SLC34A2: variants seen among roughly 807,000 people sequenced by gnomAD.
SLC34A2 encodes solute carrier family 34 member 2, also known as sodium-dependent phosphate transport protein 2B.
A neutral mutation model predicts 50.8 loss-of-function variants in SLC34A2; 41 were observed. The observed-to-expected ratio is 0.81, with a 90% CI of 0.63 to 1.05. The LOEUF (loss-of-function observed/expected upper bound fraction) is 1.05. Among genes scored for constraint, SLC34A2 ranks in the 50% least tolerant of loss-of-function variants. The pLI, the probability that SLC34A2 is intolerant of heterozygous loss-of-function variation, is 0.00. For synonymous variants in SLC34A2, 401 were observed against 364.2 expected, an observed-to-expected ratio of 1.10 and a Z score of -1.15; for missense variants, 879 against 876.7, an observed-to-expected ratio of 1.00 and a Z score of -0.03.
intron 4 of SLC34A2, chr4:25,664,922 C>A (rs1662008752): frequency 4.3e-6 from 1 of 232,386 alleles, no homozygotes; most frequent in Admixed American, 5.6e-5. Flanking sequence ...TTTTCGGGGG[C>A]CCTCTATCAA....
chr4:25,669,579 A>G (rs768329980), intron 6 of SLC34A2, 68 bp from the exon 7 acceptor site: 2 of 1,402,140 alleles, frequency 1.4e-6, no homozygotes, highest in South Asian at 1.2e-5. Flanking sequence ...GATACAGGTA[A>G]TGACCCACCT....
rs186148899 is a variant in SLC34A2 at position 25,662,390 on chromosome 4, G to A, written c.-3-108G>A. 514 of 989,774 alleles carry A rather than the reference G, an allele frequency of 5.2e-4. 2 individuals are homozygous for A. Among genetic ancestry groups the A allele is most frequent in the Middle Eastern group, 4.3e-3 (16 of 3,724 alleles). The allele number at this position is 989,774 out of a possible 1,614,324, so 61.3% of individuals were successfully genotyped here. ...CTTCCTTTTACTGCCGCCTCCGGCC[G>A]AAACCCCCACCCAGTTGATGCTTTG... On this transcript the variant is annotated intron_variant, in intron 1 of 12. Coordinates refer to ENST00000382051, the MANE Select transcript of SLC34A2 (RefSeq NM_006424.3).
At chr4:25,675,036 T>A (rs1253411461) in intron 12 of SLC34A2, among the ~76,000 whole-genome samples, 1 of 152,150 alleles carries the variant, frequency 6.6e-6, no homozygotes, top group Admixed American at 6.5e-5. Context: ...TATTTATTTT[T>A]ATTTTATTTT....
intron 12 of SLC34A2, among the ~76,000 whole-genome samples, chr4:25,675,674 T>G (rs1328654785): frequency 6.6e-6 from 1 of 152,252 alleles, no homozygotes; most frequent in African/African-American, 2.4e-5. Context: ...TGGTGTGTAT[T>G]TCATACTTAA....
At chr4:25,675,074 C>T (rs1168788780) in intron 12 of SLC34A2, among the ~76,000 whole-genome samples, 2 of 151,940 alleles carry the variant, frequency 1.3e-5, no homozygotes, top group Non-Finnish European at 2.9e-5. Flanking sequence ...CACTGTAGCC[C>T]AGGCTGGAGT....
At chr4:25,669,956 C>G in intron 7 of SLC34A2, 114 bp downstream of exon 7, 2 of 1,017,784 alleles carry the variant, frequency 2.0e-6, no homozygotes, top group Non-Finnish European at 3.1e-6. Context: ...GGCATGGTGG[C>G]TCACCCTTGT....
At position 25,676,188 on chromosome 4, in the gene SLC34A2, G is replaced by A. The variant is rs745706845; in HGVS notation, c.1512G>A (p.Pro504=). The change falls in exon 13 of 13, where the codon CCG becomes CCA. Residue 504 remains proline, a synonymous_variant. Coordinates refer to ENST00000382051, the MANE Select transcript of SLC34A2 (RefSeq NM_006424.3). ...FNISGILLWY[P]IPFTRLPIRM... is the part of the protein sequence containing the mutation. Reference sequence around the variant, plus strand: ...TCTCCGGCATCTTGCTGTGGTACCCGATCCCGTTCACTCGCCTGCCCATCC... The same window carrying A: ...TCTCCGGCATCTTGCTGTGGTACCCAATCCCGTTCACTCGCCTGCCCATCC... The A allele has an allele frequency of 2.5e-6, 4 of 1,614,002 alleles. No homozygotes were observed. Among genetic ancestry groups the A allele is most frequent in the African/African-American group, 2.7e-5 (2 of 74,908 alleles).
rs1680852008 is a variant in SLC34A2, at chr4:25,674,412, G to A, written c.1333G>A (p.Gly445Arg). The A allele has an allele frequency of 6.2e-7, 1 of 1,614,120 alleles. No individual in the cohort carries two copies. Residue 445 changes from glycine (G) to arginine (R), a missense_variant and splice_region_variant, in exon 11 of 13, where the codon GGA becomes AGA. By Grantham distance (125) the Gly-to-Arg change is moderately radical. Transcript: ENST00000382051. Reference sequence around the variant, plus strand: ...CACGTCGGCCTTGACCCCCCTGATTGGTGAGTTACACCCTGGCTTCTCCCT... The same window carrying A: ...CACGTCGGCCTTGACCCCCCTGATTAGTGAGTTACACCCTGGCTTCTCCCT... ...VFTSALTPLI[G>R]IGVITIERAY...
chr4:25,660,693 A>G (rs936981451), intron 1 of SLC34A2, among the ~76,000 whole-genome samples: 1 of 152,038 alleles, frequency 6.6e-6, no homozygotes, highest in Non-Finnish European at 1.5e-5. Flanking sequence ...TTACAGGTGC[A>G]TGCCACCACG....
chr4:25,676,606 T>G lies in SLC34A2; in HGVS notation c.1930T>G (p.Cys644Gly), dbSNP rs755695232. The change falls in exon 13 of 13, where the codon TGC becomes GGC. Residue 644 changes from cysteine (C) to glycine (G), a missense_variant. Coordinates refer to ENST00000382051, the MANE Select transcript of SLC34A2 (RefSeq NM_006424.3). ...CCCCAAGTGCTGCCGCTGCAGCAAG[T>G]GCTGCGAGGACTTGGAGGAGGCGCA... Reference protein sequence around the residue: ...DCPKCCRCSKCCEDLEEAQEG... With the variant: ...DCPKCCRCSKGCEDLEEAQEG... The G allele has an allele frequency of 2.5e-6, 4 of 1,613,840 alleles. No individual in the cohort carries two copies. In the Admixed American group the frequency reaches 6.7e-5, roughly 27 times the overall value.
intron 11 of SLC34A2, 27 bp from the exon 12 acceptor site, chr4:25,674,478 T>C: frequency 6.2e-7 from 1 of 1,614,208 alleles, no homozygotes; most frequent in Non-Finnish European, 8.5e-7. Context: ...ATGGGGCTGA[T>C]ATGTTTGTGT....
chr4:25,660,808 G>T (rs906290787), intron 1 of SLC34A2, among the ~76,000 whole-genome samples: 3 of 152,216 alleles, frequency 2.0e-5, no homozygotes, highest in African/African-American at 7.2e-5. Flanking sequence ...GCTTCCCAAA[G>T]TGTTGGGTTT....
rs766059912 is a variant in SLC34A2, at chr4:25,674,639, TGG to T, written c.1458+13_1458+14del. ...GAGGAGTTCACTCCAGGTCAGGACT[TGG>T]GGCACGGGGACAGGGGCCCTGGGAG... is the stretch of plus-strand genomic sequence containing the variant. On this transcript the variant is annotated intron_variant, in intron 12 of 12. Coordinates refer to ENST00000382051, the MANE Select transcript of SLC34A2 (RefSeq NM_006424.3). 1 of 1,614,134 alleles carries T rather than the reference TGG, an allele frequency of 6.2e-7. No individual in the cohort carries two copies. The highest frequency in any genetic ancestry group is 2.2e-5 in the East Asian group (1 of 44,878).
intron 12 of SLC34A2, among the ~76,000 whole-genome samples, chr4:25,675,578 G>T (rs796415582): frequency 6.6e-6 from 1 of 152,180 alleles, no homozygotes; most frequent in Non-Finnish European, 1.5e-5. Context: ...GTAGAAACAG[G>T]CTGATTCATT....
At chr4:25,671,057 C>T (rs970839092) in intron 8 of SLC34A2, among the ~76,000 whole-genome samples, 2 of 152,166 alleles carry the variant, frequency 1.3e-5, no homozygotes, top group African/African-American at 4.8e-5. Context: ...TTGCCCCATC[C>T]CAGGGATACA....
At chr4:25,662,418 A>G (rs1714242680) in intron 1 of SLC34A2, 80 bp from the exon 2 acceptor site, 1 of 1,314,516 alleles carries the variant, frequency 7.6e-7, no homozygotes, top group Admixed American at 1.8e-5. Flanking sequence ...ATGCTTTGCA[A>G]CCAATGGTTC....
chr4:25,675,943 C>T (rs1715083774), intron 12 of SLC34A2, among the ~76,000 whole-genome samples, 192 bp from the exon 13 acceptor site: 1 of 152,204 alleles, frequency 6.6e-6, no homozygotes, highest in Non-Finnish European at 1.5e-5. Flanking sequence ...GTGCTCCTGG[C>T]CCTCCCAGAC....
At position 25,676,171 on chromosome 4, in the gene SLC34A2, A is replaced by G. The variant is rs1392536681; in HGVS notation, c.1495A>G (p.Ile499Val). The G allele has an allele frequency of 1.2e-6, 2 of 1,614,044 alleles. No homozygotes were observed. Among genetic ancestry groups the G allele is most frequent in the Non-Finnish European group, 8.5e-7 (1 of 1,180,026 alleles). Residue 499 changes from isoleucine to valine, a missense_variant, in exon 13 of 13, where the codon ATC becomes GTC. Ile to Val is a conservative substitution (Grantham distance 29). Transcript: ENST00000382051. Reference sequence around the variant, plus strand: ...CCACTTTTTCTTCAACATCTCCGGCATCTTGCTGTGGTACCCGATCCCGTT... The same window carrying G: ...CCACTTTTTCTTCAACATCTCCGGCGTCTTGCTGTGGTACCCGATCCCGTT... ...LCHFFFNISG[I>V]LLWYPIPFTR...
At chr4:25,673,019 G>T in intron 9 of SLC34A2, 68 bp from the exon 10 acceptor site, 5 of 1,512,058 alleles carry the variant, frequency 3.3e-6, no homozygotes, top group Non-Finnish European at 4.6e-6. Context: ...GGATCTGGGG[G>T]AATAAATAAC....
Sources: gnomAD v4.1 joint callset for allele counts (sites outside exome capture counted in the v4.1 genomes callset) on GRCh38, gnomAD v4.1.1 for gene constraint, MANE v1.5 for transcripts, NCBI Gene and HGNC (gene_info 2026-07-23, HGNC 2026-07-21) for gene names.